The following LYST variants were observed in gnomAD, a reference collection of about 807,000 sequenced individuals.
The protein encoded by LYST is lysosomal trafficking regulator.
In LYST, 192 loss-of-function variants were observed where a neutral mutation model predicts 413.6. That is an observed-to-expected ratio of 0.46 (90% confidence interval 0.41 to 0.52). The LOEUF (loss-of-function observed/expected upper bound fraction) is 0.52. Ranked by LOEUF, LYST falls within the 20% of genes least tolerant of loss-of-function variation. The pLI is 0.00. For synonymous variants in LYST, 1,525 were observed against 1,567.3 expected (o/e 0.97, Z 0.64); for missense variants, 3,815 against 4,499.9 (o/e 0.85, Z 4.35).
upstream of LYST, among the ~76,000 whole-genome samples, chr1:235,870,131 C>T (rs1170708096): frequency 6.6e-6 from 1 of 152,120 alleles, no homozygotes; most frequent in Non-Finnish European, 1.5e-5. Flanking sequence ...TATTAAAAAA[C>T]ATGTATGTTC....
intron 1 of LYST, chr1:235,853,176 T>C (rs1347528108): frequency 2.4e-5 from 4 of 168,992 alleles, no homozygotes; most frequent in African/African-American, 9.6e-5. Flanking sequence ...ACATTGTACA[T>C]TTATACCAAA....
In LYST at chr1:235,777,323, T is replaced by C; in HGVS notation, c.5215-15A>G. The C allele has an allele frequency of 1.2e-6, 2 of 1,609,644 alleles. No individual in the cohort carries two copies. The highest frequency in any genetic ancestry group is 3.5e-4 in the Middle Eastern group (2 of 5,792). ...GAAAGACTTTCCTGAAATACAAATA[T>C]TTTCATTCAGTAATGACAACAAGTT... On this transcript the variant is annotated splice_polypyrimidine_tract_variant and intron_variant, in intron 16 of 52. Coordinates refer to ENST00000389793, the MANE Select transcript of LYST (RefSeq NM_000081.4).
At chr1:235,725,785 C>T (rs1364339862) in intron 38 of LYST, among the ~76,000 whole-genome samples, 1 of 152,072 alleles carries the variant, frequency 6.6e-6, no homozygotes, top group Admixed American at 6.5e-5. Flanking sequence ...AGGTGGTCAA[C>T]AGAAGAAAAG....
At chr1:235,772,029 C>G (rs1668757618) in intron 19 of LYST, among the ~76,000 whole-genome samples, 1 of 148,350 alleles carries the variant, frequency 6.7e-6, no homozygotes, top group Non-Finnish European at 1.5e-5. Flanking sequence ...TTGAGACCAG[C>G]CTGGGCAATA....
chr1:235,742,649 A>G (rs1198479293), intron 30 of LYST, among the ~76,000 whole-genome samples: 1 of 151,728 alleles, frequency 6.6e-6, no homozygotes, highest in African/African-American at 2.4e-5. Context: ...CCATGAAAAA[A>G]TTACCAAAGG....
intron 36 of LYST, among the ~76,000 whole-genome samples, 159 bp downstream of exon 36, chr1:235,730,688 C>A (rs1664308148): frequency 6.7e-6 from 1 of 150,198 alleles, no homozygotes. Flanking sequence ...ATGTCATTTC[C>A]TTTTGGATTT....
In LYST at chr1:235,686,559, T is replaced by G. The variant is rs7548569; in HGVS notation, c.10800+390A>C. Among the ~76,000 whole-genome samples the G allele has an allele frequency of 0.41, 61,628 of 152,042 alleles. 14,030 individuals are homozygous for G. Among genetic ancestry groups the G allele is most frequent in the Non-Finnish European group, 0.52 (35,519 of 67,966 alleles). On this transcript the variant is annotated intron_variant, in intron 48 of 52. Coordinates refer to ENST00000389793, the MANE Select transcript of LYST (RefSeq NM_000081.4). The surrounding 1 kb of genome is among the most constrained non-coding windows in gnomAD (Gnocchi z 4.0). Reference sequence around the variant, plus strand: ...AAATCCAGACAGACTACTTAGATTTTGCTGTCACTTAGTTTACCCAGAGGT... The same window carrying G: ...AAATCCAGACAGACTACTTAGATTTGGCTGTCACTTAGTTTACCCAGAGGT...
intron 1 of LYST, among the ~76,000 whole-genome samples, chr1:235,852,731 A>G (rs1678687075): frequency 6.6e-6 from 1 of 152,186 alleles, no homozygotes; most frequent in South Asian, 2.1e-4. Context: ...TTAAAATGAG[A>G]ATCCATTCTA....
At chr1:235,791,195 T>C (rs1407260066) in intron 12 of LYST, among the ~76,000 whole-genome samples, 3 of 151,864 alleles carry the variant, frequency 2.0e-5, no homozygotes, top group African/African-American at 4.8e-5. Context: ...GGCAGGAGAA[T>C]CGCTTGAACC....
Position 235,801,115 on chromosome 1 carries a change from A to C in LYST, c.3713-18T>G. On this transcript the variant is annotated intron_variant, in intron 8 of 52. Coordinates refer to ENST00000389793, the MANE Select transcript of LYST (RefSeq NM_000081.4). ...GTCTACCCCTGAAAAGAGAAAAGCG[A>C]AAGATTACTTGTATTCCCTAAACAC... The C allele has an allele frequency of 6.9e-7, 1 of 1,442,226 alleles. No homozygotes were observed. The highest frequency in any genetic ancestry group is 9.8e-7 in the Non-Finnish European group (1 of 1,024,908). The allele number at this position is 1,442,226 out of a possible 1,614,324, so 89.3% of individuals were successfully genotyped here.
rs1227633361 is a variant in LYST at position 235,674,097 on chromosome 1, T to G, written c.11038+2994A>C. Among the ~76,000 whole-genome samples, 1 of 152,204 alleles carries G rather than the reference T, an allele frequency of 6.6e-6. No individual in the cohort carries two copies. Among genetic ancestry groups the G allele is most frequent in the Non-Finnish European group, 1.5e-5 (1 of 68,028 alleles). On this transcript the variant is annotated intron_variant, in intron 50 of 52. Coordinates refer to ENST00000389793, the MANE Select transcript of LYST (RefSeq NM_000081.4). This position sits in a 1 kb window ranked among gnomAD's most constrained non-coding sequence, Gnocchi z 4.1. ...TACTATTCCCAGAAGTTACAGGCTC[T>G]GTGGGTCAGCCCTCCAGAGCTATTT...
Position 235,810,378 on chromosome 1 carries a change from C to T in LYST, c.440G>A (p.Arg147His), listed in dbSNP as rs759868763. 1.1e-5 allele frequency: 17 copies of T among 1,613,460 alleles called. No homozygotes were observed. Among genetic ancestry groups the T allele is most frequent in the East Asian group, 2.2e-5 (1 of 44,872 alleles). Reference protein sequence around the residue: ...VNVFRKSRRQRKITHRYSVRD... With the variant: ...VNVFRKSRRQHKITHRYSVRD... ...TACAGAATAGCGATGGGTAATTTTA[C>T]GCTGTCGTCTGCTTTTTCGAAAAAC... The change falls in exon 5 of 53, where the codon CGT (arginine) becomes CAT (histidine). Residue 147 changes from arginine to histidine, a missense_variant. Physicochemically the swap from Arg to His is conservative, Grantham distance 29 (BLOSUM62 0). Transcript: ENST00000389793.
chr1:235,807,174 G>C (rs1160608565), intron 5 of LYST, among the ~76,000 whole-genome samples: 2 of 152,310 alleles, frequency 1.3e-5, no homozygotes, highest in Middle Eastern at 3.4e-3. Flanking sequence ...TAGTTTGTCC[G>C]CCTGATGGTT....
Position 235,810,006 on chromosome 1 carries a change from A to C in LYST, c.812T>G (p.Phe271Cys). 1 of 1,613,968 alleles carries C rather than the reference A, an allele frequency of 6.2e-7. No individual in the cohort carries two copies. The highest frequency in any genetic ancestry group is 8.5e-7 in the Non-Finnish European group (1 of 1,179,948). Residue 271 changes from phenylalanine to cysteine, a missense_variant, in exon 5 of 53, where the codon TTT becomes TGT. Phe to Cys is a radical substitution (Grantham distance 205). Transcript: ENST00000389793. ...LLSLLEKVCK[F>C]DVTLNHNSPL... ...AGAATTATGATTCAAGGTAACGTCA[A>C]ACTTACAAACTTTTTCTAATAAAGA...
At chr1:235,879,740 CT>C (rs66680369) in intron 1 of LYST, among the ~76,000 whole-genome samples, 73,891 of 146,132 alleles carry the variant, frequency 0.51, 18,533 homozygotes, top group African/African-American at 0.53. Context: ...TTCTTTCTTT[CT>C]TTTTTTTTTT....
rs1441578142 is a variant in LYST, at chr1:235,762,832, C to T, written c.6141G>A (p.Glu2047=). 1 of 1,613,460 alleles carries T rather than the reference C, an allele frequency of 6.2e-7. No homozygotes were observed. The highest frequency in any genetic ancestry group is 8.5e-7 in the Non-Finnish European group (1 of 1,179,620). The change falls in exon 22 of 53, where the codon GAG becomes GAA. Residue 2047 remains glutamate, a synonymous_variant. Coordinates refer to ENST00000389793, the MANE Select transcript of LYST (RefSeq NM_000081.4). ...SLHIDGKIFQ[E]KVRSIMYLRH... is the part of the protein sequence containing the mutation. ...TCAGGTACATGATTGACCGCACTTT[C>T]TCCTGAAAGATCTTGCCATCTAGAA...
At chr1:235,694,777 A>G (rs1473342071) in intron 46 of LYST, among the ~76,000 whole-genome samples, 2 of 152,200 alleles carry the variant, frequency 1.3e-5, no homozygotes, top group Admixed American at 6.5e-5. Context: ...GATGCCTGGC[A>G]TGCAGCAAGT....
intron 1 of LYST, among the ~76,000 whole-genome samples, chr1:235,834,873 C>T (rs567273372): frequency 6.6e-6 from 1 of 152,120 alleles, no homozygotes; most frequent in East Asian, 1.9e-4. Flanking sequence ...CCTAACACAC[C>T]TTCCATACCT....
At chr1:235,852,150 TC>T (rs1678613031) in intron 1 of LYST, among the ~76,000 whole-genome samples, 1 of 152,214 alleles carries the variant, frequency 6.6e-6, no homozygotes, top group African/African-American at 2.4e-5. Context: ...GGTCTCCAGT[TC>T]CGTAGATACT....
Sources: gnomAD v4.1 joint callset for allele counts (sites outside exome capture counted in the v4.1 genomes callset) on GRCh38, gnomAD v4.1.1 for gene constraint, Gnocchi (gnomAD v3.1) non-coding constraint, MANE v1.5 for transcripts, NCBI Gene and HGNC (gene_info 2026-07-23, HGNC 2026-07-21) for gene names.